The following TAFA4 variants were observed in gnomAD, a reference collection of about 807,000 sequenced individuals.
The protein encoded by TAFA4 is TAFA chemokine like family member 4.
A neutral mutation model predicts 21.1 loss-of-function variants in TAFA4; 20 were observed. That is an observed-to-expected ratio of 0.95 (90% confidence interval 0.67 to 1.38). TAFA4 has a LOEUF of 1.38. Ranked by LOEUF, TAFA4 falls within the 40% of genes most tolerant of loss-of-function variation. The pLI, the probability that TAFA4 is intolerant of heterozygous loss-of-function variation, is 0.00. For missense variants in TAFA4, 211 were observed against 180.9 expected, an observed-to-expected ratio of 1.17 and a Z score of -0.95; for synonymous variants, 71 against 67.4, an observed-to-expected ratio of 1.05 and a Z score of -0.26.
intron 3 of TAFA4, among the ~76,000 whole-genome samples, chr3:68,795,485 T>TTGACTCAAGCTCG (rs1703438763): frequency 6.6e-6 from 1 of 152,150 alleles, no homozygotes; most frequent in Non-Finnish European, 1.5e-5. Flanking sequence ...TCACGAGTTA[T>TTGACTCAAGCTCG]TGACTCAAGC....
chr3:68,871,947 T>C (rs1030422420), intron 3 of TAFA4, among the ~76,000 whole-genome samples: 5 of 152,044 alleles, frequency 3.3e-5, no homozygotes, highest in Non-Finnish European at 7.4e-5. Flanking sequence ...TCATACATCA[T>C]TGGGGGAATG....
At chr3:68,883,409 A>T (rs1464680560) in intron 2 of TAFA4, among the ~76,000 whole-genome samples, 1 of 152,220 alleles carries the variant, frequency 6.6e-6, no homozygotes, top group Admixed American at 6.5e-5. Flanking sequence ...AGCCCCACCC[A>T]GGATAGTCTC....
intron 3 of TAFA4, among the ~76,000 whole-genome samples, chr3:68,757,759 C>T (rs1702684512): frequency 6.6e-6 from 1 of 152,186 alleles, no homozygotes; most frequent in South Asian, 2.1e-4. Context: ...TTTTAAGATA[C>T]ATATTTTTTT....
intron 3 of TAFA4, among the ~76,000 whole-genome samples, chr3:68,859,476 C>T (rs1366648208): frequency 1.3e-5 from 2 of 152,036 alleles, no homozygotes; most frequent in South Asian, 4.1e-4. Context: ...TCTCAAAATC[C>T]CTGTCATAAT....
At chr3:68,898,337 A>T (rs1026840882) in intron 1 of TAFA4, among the ~76,000 whole-genome samples, 1 of 152,222 alleles carries the variant, frequency 6.6e-6, no homozygotes, top group Admixed American at 6.5e-5. Flanking sequence ...AGAATCAAAT[A>T]ATCTGTTATA....
chr3:68,851,319 A>G (rs529259475), intron 3 of TAFA4, among the ~76,000 whole-genome samples: 34 of 152,102 alleles, frequency 2.2e-4, no homozygotes, highest in Middle Eastern at 3.2e-3. Flanking sequence ...GAGGGGAACA[A>G]CACACACTAG....
At chr3:68,820,976 C>G (rs1306108708) in intron 3 of TAFA4, among the ~76,000 whole-genome samples, 1 of 152,124 alleles carries the variant, frequency 6.6e-6, no homozygotes, top group Non-Finnish European at 1.5e-5. Context: ...TTATGCTGTA[C>G]CACAAGGTGG....
chr3:68,841,924 A>G (rs2106895228), intron 3 of TAFA4, among the ~76,000 whole-genome samples: 1 of 152,122 alleles, frequency 6.6e-6, no homozygotes, highest in East Asian at 1.9e-4. Context: ...TATGTGCCAT[A>G]TTTTCTTAAT....
At chr3:68,760,116 C>T (rs1202827873) in intron 3 of TAFA4, among the ~76,000 whole-genome samples, 3 of 152,092 alleles carry the variant, frequency 2.0e-5, no homozygotes, top group Admixed American at 2.0e-4. Flanking sequence ...ATGTGAGATG[C>T]CTGTTTCCTC....
chr3:68,732,996 A>C lies in TAFA4; in HGVS notation c.*146T>G. Reference sequence around the variant, plus strand: ...CAGAGAGGGCTGGGCCAGTTAAGTGAATGCCACCTCTCACAGCTCACATAT... The same window carrying C: ...CAGAGAGGGCTGGGCCAGTTAAGTGCATGCCACCTCTCACAGCTCACATAT... On this transcript the variant is annotated 3_prime_UTR_variant, in exon 6 of 6. Transcript: ENST00000295569. 9.9e-7 allele frequency: 1 copy of C among 1,009,596 alleles called. No homozygotes were observed. Among genetic ancestry groups the C allele is most frequent in the East Asian group, 2.5e-5 (1 of 40,632 alleles). 62.5% of individuals were successfully genotyped at this position (1,009,596 alleles called of 1,614,324 possible). A position where few individuals can be genotyped will look rare whatever the true frequency, so the allele number is the denominator to read the frequency against.
At chr3:68,875,541 T>A (rs2089536636) in intron 3 of TAFA4, among the ~76,000 whole-genome samples, 3 of 152,098 alleles carry the variant, frequency 2.0e-5, no homozygotes, top group Non-Finnish European at 4.4e-5. Flanking sequence ...TGCATAGCAA[T>A]ACATCCATAG....
intron 3 of TAFA4, among the ~76,000 whole-genome samples, chr3:68,825,842 A>C (rs1415066466): frequency 6.6e-6 from 1 of 152,152 alleles, no homozygotes; most frequent in Non-Finnish European, 1.5e-5. Context: ...CCTCCTCTCA[A>C]ACAGTTTATA....
chr3:68,879,472 CT>C (rs1287721755), intron 3 of TAFA4, among the ~76,000 whole-genome samples: 3 of 152,140 alleles, frequency 2.0e-5, no homozygotes, highest in Non-Finnish European at 4.4e-5. Context: ...ACTAATCTGA[CT>C]CTTAAACTCC....
chr3:68,748,757 A>AAG (rs1702508128), intron 4 of TAFA4, among the ~76,000 whole-genome samples: 1 of 152,176 alleles, frequency 6.6e-6, no homozygotes, highest in Non-Finnish European at 1.5e-5. Flanking sequence ...AAAAAAAAAA[A>AAG]AAAGTGATAG....
intron 3 of TAFA4, among the ~76,000 whole-genome samples, chr3:68,821,744 A>G (rs1300676149): frequency 6.6e-6 from 1 of 152,164 alleles, no homozygotes; most frequent in African/African-American, 2.4e-5. Flanking sequence ...ATAAAGAGTG[A>G]AGCCTGAAGG....
intron 3 of TAFA4, among the ~76,000 whole-genome samples, chr3:68,866,727 A>G (rs1344110423): frequency 6.6e-6 from 1 of 151,156 alleles, no homozygotes; most frequent in Non-Finnish European, 1.5e-5. Flanking sequence ...CAGATGAACA[A>G]CAACAACAAC....
At chr3:68,745,361 G>A (rs1702438254) in intron 4 of TAFA4, among the ~76,000 whole-genome samples, 1 of 152,104 alleles carries the variant, frequency 6.6e-6, no homozygotes, top group Non-Finnish European at 1.5e-5. Flanking sequence ...TTTTTTTCCT[G>A]TTACAAAATA....
At chr3:68,848,094 A>G (rs1704851247) in intron 3 of TAFA4, among the ~76,000 whole-genome samples, 1 of 152,234 alleles carries the variant, frequency 6.6e-6, no homozygotes, top group African/African-American at 2.4e-5. Flanking sequence ...TGCTATTATT[A>G]TCTTCATTTT....
intron 3 of TAFA4, among the ~76,000 whole-genome samples, chr3:68,843,647 G>T (rs1704720595): frequency 2.0e-5 from 3 of 152,206 alleles, no homozygotes. Context: ...GATATTGGCT[G>T]TGGGTCTGTC....
Sources: gnomAD v4.1 joint callset for allele counts (sites outside exome capture counted in the v4.1 genomes callset) on GRCh38, gnomAD v4.1.1 for gene constraint, MANE v1.5 for transcripts, NCBI Gene and HGNC (gene_info 2026-07-23, HGNC 2026-07-21) for gene names.